Variants in RIC8B observed in about 807,000 individuals in gnomAD.
RIC8B encodes chaperone Ric-8B.
In RIC8B, 16 loss-of-function variants were observed where a neutral mutation model predicts 57.5. The observed-to-expected ratio is 0.28, with a 90% CI of 0.19 to 0.42. The LOEUF (loss-of-function observed/expected upper bound fraction) is 0.42. Among genes scored for constraint, RIC8B ranks in the 10% least tolerant of loss-of-function variants. The probability of loss-of-function intolerance (pLI) is 1.00; values close to 1 mark genes in which losing one functional copy is unlikely to be tolerated. For missense variants in RIC8B, 481 were observed against 677.0 expected, an observed-to-expected ratio of 0.71 and a Z score of 3.21; for synonymous variants, 216 against 250.8, an observed-to-expected ratio of 0.86 and a Z score of 1.31.
chr12:106,789,021 C>G (rs1442980874), intron 2 of RIC8B, among the ~76,000 whole-genome samples: 1 of 152,186 alleles, frequency 6.6e-6, no homozygotes, highest in Non-Finnish European at 1.5e-5. Context: ...CTTTTAACAG[C>G]ACCCAAGTCA....
chr12:106,785,813 CTGTGTGTG>C (rs61337359), intron 2 of RIC8B, among the ~76,000 whole-genome samples: 1,544 of 122,292 alleles, frequency 0.013, 20 homozygotes, highest in Middle Eastern at 0.016. Context: ...CTCTCTCTCT[CTGTGTGTG>C]TGTGTGTGTG....
At chr12:106,863,503 CAA>C (rs1950020001) in intron 8 of RIC8B, among the ~76,000 whole-genome samples, 1 of 152,084 alleles carries the variant, frequency 6.6e-6, no homozygotes, top group South Asian at 2.1e-4. Context: ...CTGCTTCAGT[CAA>C]GTCTTTTTAT....
chr12:106,863,226 G>T (rs1053175180), intron 8 of RIC8B, among the ~76,000 whole-genome samples: 1 of 152,064 alleles, frequency 6.6e-6, no homozygotes, highest in Non-Finnish European at 1.5e-5. Context: ...GCCCAAAGAG[G>T]TATCTTTAAA....
intron 4 of RIC8B, among the ~76,000 whole-genome samples, chr12:106,838,177 C>T (rs1171579371): frequency 6.6e-6 from 1 of 152,034 alleles, no homozygotes; most frequent in Admixed American, 6.6e-5. Context: ...CAGAAATAAA[C>T]TCATGCATAT....
At chr12:106,785,813 C>CTCTG (rs1376526047) in intron 2 of RIC8B, among the ~76,000 whole-genome samples, 18 of 123,852 alleles carry the variant, frequency 1.5e-4, no homozygotes, top group Non-Finnish European at 2.4e-4. Flanking sequence ...CTCTCTCTCT[C>CTCTG]TGTGTGTGTG....
chr12:106,790,130 C>G (rs1425525488), intron 2 of RIC8B, among the ~76,000 whole-genome samples: 2 of 152,158 alleles, frequency 1.3e-5, no homozygotes, highest in Non-Finnish European at 2.9e-5. Flanking sequence ...TGAATGACAG[C>G]TTGCTAACAC....
chr12:106,854,559 G>A (rs1160580728), intron 7 of RIC8B, among the ~76,000 whole-genome samples: 1 of 152,128 alleles, frequency 6.6e-6, no homozygotes, highest in Non-Finnish European at 1.5e-5. Flanking sequence ...TTGGGAGGCC[G>A]AGGCGGGCAG....
chr12:106,873,461 A>G (rs1301214657), intron 9 of RIC8B, among the ~76,000 whole-genome samples: 1 of 152,142 alleles, frequency 6.6e-6, no homozygotes, highest in Admixed American at 6.5e-5. Flanking sequence ...TGCGTCTTAC[A>G]TGTCTTTTGT....
At chr12:106,878,984 C>T in intron 9 of RIC8B, 3 of 985,768 alleles carry the variant, frequency 3.0e-6, no homozygotes, top group Non-Finnish European at 3.6e-6. Context: ...TGTTTCATTA[C>T]AGACCCTGTC....
chr12:106,886,844 G>A lies in RIC8B; in HGVS notation c.*829G>A, dbSNP rs1219396739. ...GAGAATGGGGACTCCCTGAGTAATG[G>A]GAGTTCTTTCATGGCCTCTGCTTGG... On this transcript the variant is annotated 3_prime_UTR_variant, in exon 10 of 10. Coordinates refer to ENST00000392837, the MANE Select transcript of RIC8B (RefSeq NM_001330145.2). 1 of 152,514 alleles carries A rather than the reference G, an allele frequency of 6.6e-6. No homozygotes were observed. The highest frequency in any genetic ancestry group is 2.4e-5 in the African/African-American group (1 of 41,386). 9.4% of individuals were successfully genotyped at this position (152,514 alleles called of 1,614,324 possible).
At chr12:106,812,039 AC>A (rs1342792676) in intron 2 of RIC8B, among the ~76,000 whole-genome samples, 2 of 132,408 alleles carry the variant, frequency 1.5e-5, no homozygotes, top group Non-Finnish European at 3.4e-5. Flanking sequence ...ATTAAACATC[AC>A]TTTTATTTTT....
intron 4 of RIC8B, among the ~76,000 whole-genome samples, chr12:106,834,139 C>A (rs577345936): frequency 6.6e-6 from 1 of 152,206 alleles, no homozygotes; most frequent in African/African-American, 2.4e-5. Context: ...TAATACAGTA[C>A]TTAAGGCAAG....
chr12:106,795,702 G>A (rs1269477616), intron 2 of RIC8B, among the ~76,000 whole-genome samples: 1 of 152,156 alleles, frequency 6.6e-6, no homozygotes, highest in Non-Finnish European at 1.5e-5. Flanking sequence ...TGGCATGTAT[G>A]TCTGCAGCTC....
rs1161350417 is a variant in RIC8B at position 106,842,706 on chromosome 12, T to A, written c.954T>A (p.Asn318Lys). ...CGACTCTAGATGAACTGCCCAGTAATAAAACAGCTGAGAAAGAAACAGTTT... is the reference window on the plus strand; with the variant it reads ...CGACTCTAGATGAACTGCCCAGTAAAAAAACAGCTGAGAAAGAAACAGTTT... The part of the protein sequence containing the change: ...EATTLDELPS[N>K]KTAEKETVLK... The change falls in exon 5 of 10, where the codon AAT (asparagine) becomes AAA (lysine). Residue 318 changes from asparagine (N) to lysine (K), a missense_variant. This residue lies in a region of RIC8B where 421 missense variants were observed against 560.9 expected (regional missense o/e 0.75). Transcript: ENST00000392837. 6.2e-7 allele frequency: 1 copy of A among 1,613,938 alleles called. No homozygotes were observed. Among genetic ancestry groups the A allele is most frequent in the South Asian group, 1.1e-5 (1 of 91,072 alleles).
chr12:106,855,152 G>T (rs1358935640), intron 7 of RIC8B, among the ~76,000 whole-genome samples: 1 of 152,176 alleles, frequency 6.6e-6, no homozygotes, highest in Non-Finnish European at 1.5e-5. Context: ...TGTAGGGGCT[G>T]AATTGCAAAG....
At chr12:106,847,135 C>T (rs1949229233) in intron 6 of RIC8B, among the ~76,000 whole-genome samples, 1 of 151,992 alleles carries the variant, frequency 6.6e-6, no homozygotes, top group African/African-American at 2.4e-5. Context: ...ATTACTGACC[C>T]AGGTTGTATT....
At chr12:106,791,003 A>G (rs924128994) in intron 2 of RIC8B, among the ~76,000 whole-genome samples, 2 of 152,248 alleles carry the variant, frequency 1.3e-5, no homozygotes, top group African/African-American at 4.8e-5. Flanking sequence ...AGGCACCTAT[A>G]ATAAATGCTT....
At chr12:106,821,451 C>A (rs763305114) in intron 3 of RIC8B, among the ~76,000 whole-genome samples, 1 of 152,012 alleles carries the variant, frequency 6.6e-6, no homozygotes, top group African/African-American at 2.4e-5. Context: ...ATTTGAATCC[C>A]CATCTTATAC....
At chr12:106,837,186 A>G (rs1308656032) in intron 4 of RIC8B, among the ~76,000 whole-genome samples, 1 of 152,124 alleles carries the variant, frequency 6.6e-6, no homozygotes, top group African/African-American at 2.4e-5. Flanking sequence ...ACATGGTGAA[A>G]CCCTGTCTCT....
Sources: allele counts gnomAD v4.1 joint callset (sites outside exome capture counted in the v4.1 genomes callset), GRCh38; gene constraint gnomAD v4.1.1; regional missense constraint gnomAD v4.1.1; transcripts MANE v1.5; gene names NCBI Gene and HGNC (gene_info 2026-07-23, HGNC 2026-07-21).